ILRUN: variants seen among roughly 807,000 people sequenced by gnomAD.
ILRUN encodes protein ILRUN.
In ILRUN, 3 loss-of-function variants were observed where a neutral mutation model predicts 33.8. The ratio of observed to expected loss-of-function variants is 0.09; its 90% CI spans 0.04 to 0.23. The LOEUF is 0.23. Among genes scored for constraint, ILRUN ranks in the 10% least tolerant of loss-of-function variants. The pLI is 1.00. For synonymous variants in ILRUN, 124 were observed against 138.9 expected, an observed-to-expected ratio of 0.89 and a Z score of 0.75; for missense variants, 210 against 375.1, an observed-to-expected ratio of 0.56 and a Z score of 3.64.
At chr6:34,683,421 T>TATATATAC in intron 1 of ILRUN, among the ~76,000 whole-genome samples, 1 of 63,234 alleles carries the variant, frequency 1.6e-5, no homozygotes, top group African/African-American at 1.5e-4. Context: ...TATATATACA[T>TATATATAC]ATATATACAT....
intron 1 of ILRUN, 67 bp downstream of exon 1, chr6:34,696,379 T>C: frequency 6.8e-7 from 1 of 1,465,538 alleles, no homozygotes; most frequent in East Asian, 2.5e-5. Context: ...CAAGCTCAAG[T>C]GTCCCTTCCC....
chr6:34,614,606 C>T (rs1761840734), intron 3 of ILRUN, among the ~76,000 whole-genome samples: 1 of 150,438 alleles, frequency 6.6e-6, no homozygotes, highest in South Asian at 2.1e-4. Context: ...TATGTAGATA[C>T]TCCCTGTTTC....
chr6:34,672,652 T>C (rs1014475757), intron 1 of ILRUN, among the ~76,000 whole-genome samples: 1 of 151,864 alleles, frequency 6.6e-6, no homozygotes, highest in Non-Finnish European at 1.5e-5. Flanking sequence ...AATAAAAAAA[T>C]GCAACTTGAA....
At chr6:34,669,739 A>G (rs1763077951) in intron 1 of ILRUN, among the ~76,000 whole-genome samples, 1 of 152,202 alleles carries the variant, frequency 6.6e-6, no homozygotes, top group Non-Finnish European at 1.5e-5. Flanking sequence ...CATAACATAA[A>G]TAAGTAAACA....
chr6:34,667,261 C>T (rs1322273565), intron 1 of ILRUN, among the ~76,000 whole-genome samples: 1 of 152,136 alleles, frequency 6.6e-6, no homozygotes, highest in Admixed American at 6.5e-5. Flanking sequence ...TCAATACCCC[C>T]TTTTTTGGAT....
intron 1 of ILRUN, among the ~76,000 whole-genome samples, chr6:34,679,100 A>G (rs1763302941): frequency 6.6e-6 from 1 of 151,508 alleles, no homozygotes; most frequent in African/African-American, 2.4e-5. Context: ...ATTTATCCAT[A>G]TAACAAACCT....
intron 1 of ILRUN, among the ~76,000 whole-genome samples, chr6:34,675,389 T>G (rs1409581440): frequency 6.6e-6 from 1 of 152,176 alleles, no homozygotes; most frequent in African/African-American, 2.4e-5. Context: ...CAGGGAAATG[T>G]ACATTTTTCA....
At position 34,606,539 on chromosome 6, in the gene ILRUN, CTCCAAGGG is replaced by C. The variant is rs1761634971; in HGVS notation, c.861+8_861+15del. 5 of 1,604,122 alleles carry C rather than the reference CTCCAAGGG, an allele frequency of 3.1e-6. No individual in the cohort carries two copies. The highest frequency in any genetic ancestry group is 4.3e-6 in the Non-Finnish European group (5 of 1,173,214). ...AGGCCCACCACCTACCCCTTCTCTT[CTCCAAGGG>C]CACCTACCTTACTGTAAGTCACTAC... On this transcript the variant is annotated splice_region_variant and intron_variant, in intron 4 of 4. Coordinates refer to ENST00000374023, the MANE Select transcript of ILRUN (RefSeq NM_024294.4).
intron 1 of ILRUN, among the ~76,000 whole-genome samples, chr6:34,657,057 T>G (rs73411995): frequency 0.023 from 3,552 of 152,272 alleles, 103 homozygotes; most frequent in African/African-American, 0.064. Context: ...CAAACAGGCT[T>G]AGAAGTATAT....
chr6:34,652,781 C>T (rs773820350), intron 2 of ILRUN, among the ~76,000 whole-genome samples: 34 of 152,054 alleles, frequency 2.2e-4, no homozygotes, highest in Non-Finnish European at 4.1e-4. Context: ...AAAGTTAAAA[C>T]ACCTTCGACC....
chr6:34,604,282 A>G (rs1227588702), intron 4 of ILRUN, among the ~76,000 whole-genome samples: 1 of 152,230 alleles, frequency 6.6e-6, no homozygotes, highest in Non-Finnish European at 1.5e-5. Context: ...AAGCTGGCAG[A>G]AAATACCAGC....
chr6:34,651,290 T>C (rs959116340), intron 2 of ILRUN, among the ~76,000 whole-genome samples: 2 of 152,152 alleles, frequency 1.3e-5, no homozygotes, highest in Non-Finnish European at 2.9e-5. Flanking sequence ...GGCACAAGAA[T>C]GCCCTTTCAC....
Position 34,606,708 on chromosome 6 carries a change from G to A in ILRUN, c.708C>T (p.Asp236=). Residue 236 remains aspartate (D), a synonymous_variant, in exon 4 of 5, where the codon GAC becomes GAT. Coordinates refer to ENST00000374023, the MANE Select transcript of ILRUN (RefSeq NM_024294.4). The stretch of plus-strand genomic sequence containing the variant: ...GAGCCCATGTGTTTTTGCTGATCGA[G>A]TCGAACTCGGAGCCCCCAGGGTCTT... ...NLKDPGGSEF[D]SISKNTWAPA... is the part of the protein sequence containing the mutation. 6.2e-7 allele frequency: 1 copy of A among 1,614,210 alleles called. No individual in the cohort carries two copies.
intron 1 of ILRUN, among the ~76,000 whole-genome samples, chr6:34,656,668 C>G (rs891892691): frequency 3.3e-5 from 5 of 152,184 alleles, no homozygotes; most frequent in African/African-American, 1.2e-4. Context: ...CAGTACACAA[C>G]TGATCAACAG....
intron 3 of ILRUN, among the ~76,000 whole-genome samples, chr6:34,641,246 GC>G (rs1185154939): frequency 6.6e-6 from 1 of 152,158 alleles, no homozygotes; most frequent in East Asian, 1.9e-4. Flanking sequence ...CACACTCTTA[GC>G]CACTATATTA....
At chr6:34,617,586 G>GA (rs1169475738) in intron 3 of ILRUN, among the ~76,000 whole-genome samples, 1 of 152,110 alleles carries the variant, frequency 6.6e-6, no homozygotes, top group East Asian at 1.9e-4. Context: ...ACCTAAAGGG[G>GA]AAAAGGCTAG....
rs1386652519 is a variant in ILRUN, at chr6:34,683,495, TATAC to T, written c.158+12947_158+12950del. On this transcript the variant is annotated intron_variant, in intron 1 of 4. Coordinates refer to ENST00000374023, the MANE Select transcript of ILRUN (RefSeq NM_024294.4). ...ATACACATATATATATACATATATA[TATAC>T]ATATATATATATATACATATATATA... Among the ~76,000 whole-genome samples the T allele has an allele frequency of 1.6e-3, 148 of 91,962 alleles. 6 individuals carry two copies. Among genetic ancestry groups the T allele is most frequent in the African/African-American group, 9.0e-3 (137 of 15,290 alleles). 60.3% of individuals were successfully genotyped at this position (91,962 alleles called of 152,430 possible).
intron 3 of ILRUN, among the ~76,000 whole-genome samples, chr6:34,629,730 G>T (rs748449714): frequency 6.6e-6 from 1 of 152,102 alleles, no homozygotes; most frequent in Non-Finnish European, 1.5e-5. Context: ...ATTTTCAGCC[G>T]TATTGTTTCA....
chr6:34,690,258 T>G (rs1204607971), intron 1 of ILRUN, among the ~76,000 whole-genome samples: 2 of 152,010 alleles, frequency 1.3e-5, no homozygotes, highest in African/African-American at 4.8e-5. Flanking sequence ...GTCAGGAGTT[T>G]GAGACCAGCC....
Sources: allele counts gnomAD v4.1 joint callset (sites outside exome capture counted in the v4.1 genomes callset), GRCh38; gene constraint gnomAD v4.1.1; transcripts MANE v1.5; gene names NCBI Gene and HGNC (gene_info 2026-07-23, HGNC 2026-07-21).